HEMK2: variants seen among roughly 807,000 people sequenced by gnomAD.
HEMK2 encodes HemK methyltransferase 2, ETF1 glutamine and histone H4 lysine.
At chr21:28,748,435 A>G in the HEMK2 span, among the ~76,000 whole-genome samples, 1 of 152,228 alleles carries the variant, frequency 6.6e-6, no homozygotes, top group Non-Finnish European at 1.5e-5. Context: ...TTAAATAAAC[A>G]TGGTAGGTTG....
At chr21:28,705,012 G>A in the HEMK2 span, among the ~76,000 whole-genome samples, 4 of 152,008 alleles carry the variant, frequency 2.6e-5, no homozygotes, top group South Asian at 2.1e-4. Flanking sequence ...GCTATCGTTC[G>A]TACTTGCTGG....
the HEMK2 span, among the ~76,000 whole-genome samples, chr21:28,631,558 T>G: frequency 6.6e-6 from 1 of 152,114 alleles, no homozygotes; most frequent in Non-Finnish European, 1.5e-5. Context: ...CCCAAAAGTT[T>G]CATAAAGCAA....
At chr21:28,658,438 C>T in the HEMK2 span, among the ~76,000 whole-genome samples, 1 of 152,016 alleles carries the variant, frequency 6.6e-6, no homozygotes, top group Non-Finnish European at 1.5e-5. Flanking sequence ...ATACAACCCA[C>T]TTCAAGTTAA....
the HEMK2 span, among the ~76,000 whole-genome samples, chr21:28,698,963 C>T: frequency 6.6e-6 from 1 of 152,150 alleles, no homozygotes; most frequent in Non-Finnish European, 1.5e-5. Flanking sequence ...TCACATTATC[C>T]CATGGTTTTG....
At chr21:28,831,750 A>AGAAAGAAAGAAAGAAAGAAAGAAC in the HEMK2 span, among the ~76,000 whole-genome samples, 1 of 148,970 alleles carries the variant, frequency 6.7e-6, no homozygotes, top group Non-Finnish European at 1.5e-5. Context: ...AAAGAAAGAA[A>AGAAAGAAAGAAAGAAAGAAAGAAC]GAAAGAAAGA....
the HEMK2 span, among the ~76,000 whole-genome samples, chr21:28,694,903 C>T: frequency 4.0e-5 from 6 of 151,366 alleles, no homozygotes; most frequent in Non-Finnish European, 8.8e-5. Context: ...GAGGCTGAGG[C>T]AGGAGAATGG....
chr21:28,755,085 G>A, the HEMK2 span, among the ~76,000 whole-genome samples: 3 of 151,180 alleles, frequency 2.0e-5, no homozygotes, highest in Non-Finnish European at 2.9e-5. Context: ...ATGGGTGTGT[G>A]CAGAGATGGG....
the HEMK2 span, among the ~76,000 whole-genome samples, chr21:28,715,937 G>C: frequency 2.0e-5 from 3 of 152,182 alleles, no homozygotes; most frequent in African/African-American, 7.2e-5. Context: ...CTTTGCTGAA[G>C]ATCAGATGAT....
At chr21:28,720,105 A>C in the HEMK2 span, among the ~76,000 whole-genome samples, 1 of 152,188 alleles carries the variant, frequency 6.6e-6, no homozygotes, top group African/African-American at 2.4e-5. Context: ...TGTCTAGTAT[A>C]TGTGTTAGGC....
the HEMK2 span, among the ~76,000 whole-genome samples, chr21:28,575,621 T>C: frequency 6.6e-6 from 1 of 152,234 alleles, no homozygotes; most frequent in Non-Finnish European, 1.5e-5. Flanking sequence ...TCTTTTTAAT[T>C]GAGGTATTAT....
the HEMK2 span, among the ~76,000 whole-genome samples, chr21:28,664,857 CAGA>C: frequency 6.6e-6 from 1 of 151,968 alleles, no homozygotes; most frequent in Non-Finnish European, 1.5e-5. Flanking sequence ...AGATTTTGTT[CAGA>C]AGATTACTTT....
the HEMK2 span, among the ~76,000 whole-genome samples, chr21:28,656,134 A>G: frequency 1.1e-3 from 163 of 152,268 alleles, no homozygotes; most frequent in African/African-American, 3.6e-3. Context: ...AGGATGCAGC[A>G]ATGAAGGTTT....
At chr21:28,639,935 C>A in the HEMK2 span, among the ~76,000 whole-genome samples, 11 of 152,078 alleles carry the variant, frequency 7.2e-5, no homozygotes, top group African/African-American at 2.4e-4. Flanking sequence ...TATTAGGAAA[C>A]CAGCAGGGAT....
chr21:28,769,116 G>C, the HEMK2 span, among the ~76,000 whole-genome samples: 1 of 152,052 alleles, frequency 6.6e-6, no homozygotes, highest in Non-Finnish European at 1.5e-5. Flanking sequence ...AGGTCCAGTT[G>C]AATTTTACAA....
At chr21:28,856,789 G>T in the HEMK2 span, among the ~76,000 whole-genome samples, 3 of 152,236 alleles carry the variant, frequency 2.0e-5, no homozygotes, top group Non-Finnish European at 4.4e-5. Context: ...TGCAACCTGC[G>T]TATCAGGAGA....
the HEMK2 span, among the ~76,000 whole-genome samples, chr21:28,781,813 T>C: frequency 6.6e-6 from 1 of 152,232 alleles, no homozygotes; most frequent in African/African-American, 2.4e-5. Context: ...AGTGGTCACA[T>C]TGATACTGTC....
At chr21:28,772,621 T>C in the HEMK2 span, among the ~76,000 whole-genome samples, 6 of 152,300 alleles carry the variant, frequency 3.9e-5, no homozygotes, top group African/African-American at 1.4e-4. Context: ...TTTGGCAAGT[T>C]TTGCTCATTG....
the HEMK2 span, among the ~76,000 whole-genome samples, chr21:28,632,892 A>G: frequency 6.6e-6 from 1 of 152,182 alleles, no homozygotes; most frequent in Non-Finnish European, 1.5e-5. Context: ...ATGAGCAAAA[A>G]GCAGACGCAG....
the HEMK2 span, among the ~76,000 whole-genome samples, chr21:28,831,526 G>GAAA: frequency 2.2e-3 from 77 of 34,744 alleles, 1 homozygote; most frequent in African/African-American, 3.1e-3. Context: ...AAAGAAAGAA[G>GAAA]GAAAGAAGGA....
Sources: allele counts gnomAD v4.1 joint callset (sites outside exome capture counted in the v4.1 genomes callset), GRCh38; gene constraint gnomAD v4.1.1; transcripts MANE v1.5; gene names NCBI Gene and HGNC (gene_info 2026-07-23, HGNC 2026-07-21).